Variants in BCAS3 observed in about 807,000 individuals in gnomAD.
The protein encoded by BCAS3 is BCAS3 microtubule associated cell migration factor, also known as BCAS4/BCAS3 fusion.
BCAS3 carries 53 observed loss-of-function variants against 116.1 expected under a neutral mutation model. That is an observed-to-expected ratio of 0.46 (90% CI 0.37 to 0.57). The LOEUF (loss-of-function observed/expected upper bound fraction) is 0.57, where lower values mean the gene tolerates loss of function less well. Ranked by LOEUF, BCAS3 falls within the 20% of genes least tolerant of loss-of-function variation. The pLI is 0.00. For missense variants in BCAS3, 917 were observed against 1,165.4 expected, an observed-to-expected ratio of 0.79 and a Z score of 3.10; for synonymous variants, 391 against 408.2, an observed-to-expected ratio of 0.96 and a Z score of 0.51.
Position 61,162,546 on chromosome 17 carries a change from A to G in BCAS3, c.2425+77982A>G, listed in dbSNP as rs1035148400. Reference sequence around the variant, plus strand: ...CAGTCTGTTGTACAGCAGCAAGACCAAGATGATTCCAGTAATAAGCCTTAT... The same window carrying G: ...CAGTCTGTTGTACAGCAGCAAGACCGAGATGATTCCAGTAATAAGCCTTAT... On this transcript the variant is annotated intron_variant, in intron 22 of 23. Coordinates refer to ENST00000407086, the MANE Select transcript of BCAS3 (RefSeq NM_017679.5). The surrounding 1 kb of genome is among the most constrained non-coding windows in gnomAD (Gnocchi z 5.6). Among the ~76,000 whole-genome samples, 5 of 152,234 alleles carry G rather than the reference A, an allele frequency of 3.3e-5. No homozygotes were observed. The highest frequency in any genetic ancestry group is 5.9e-5 in the Non-Finnish European group (4 of 68,032).
intron 14 of BCAS3, among the ~76,000 whole-genome samples, chr17:60,958,343 A>G (rs2061247124): frequency 6.6e-6 from 1 of 152,232 alleles, no homozygotes; most frequent in Admixed American, 6.5e-5. Context: ...GAAAAACTAA[A>G]GGATTTTATT....
chr17:60,866,879 T>C (rs1387763751), intron 7 of BCAS3, among the ~76,000 whole-genome samples: 2 of 152,158 alleles, frequency 1.3e-5, no homozygotes, highest in Admixed American at 6.5e-5. Context: ...CCCCCTTTGC[T>C]TACTCATTTT....
intron 4 of BCAS3, among the ~76,000 whole-genome samples, chr17:60,703,910 C>A (rs1423621652): frequency 1.4e-5 from 2 of 145,604 alleles, no homozygotes; most frequent in Non-Finnish European, 3.0e-5. Context: ...AAGACAGACA[C>A]CGTCTCAAAA....
At position 61,379,521 on chromosome 17, in the gene BCAS3, G is replaced by C. The variant is rs1027773393; in HGVS notation, c.2593+11027G>C. The C allele has an allele frequency of 2.6e-5, 4 of 152,182 alleles. No homozygotes were observed. The highest frequency in any genetic ancestry group is 5.9e-5 in the Non-Finnish European group (4 of 68,054). 9.4% of individuals were successfully genotyped at this position (152,182 alleles called of 1,614,324 possible). A position where few individuals can be genotyped will look rare whatever the true frequency, so the allele number is the denominator to read the frequency against. On this transcript the variant is annotated intron_variant, in intron 23 of 23. Transcript: ENST00000407086. The surrounding 1 kb of genome is among the most constrained non-coding windows in gnomAD (Gnocchi z 5.5). Reference sequence around the variant, plus strand: ...CGATTGAACTTAACGGAGAAGTGAAGTTCCCTAGTAGAAGAAGGCATTTTG... The same window carrying C: ...CGATTGAACTTAACGGAGAAGTGAACTTCCCTAGTAGAAGAAGGCATTTTG...
rs2076367846 is a variant in BCAS3, at chr17:61,132,011, C to T, written c.2425+47447C>T. 6.6e-6 allele frequency among the ~76,000 whole-genome samples: 1 copy of T among 152,156 alleles called. No homozygotes were observed. The highest frequency in any genetic ancestry group is 6.5e-5 in the Admixed American group (1 of 15,270). On this transcript the variant is annotated intron_variant, in intron 22 of 23. Transcript: ENST00000407086. The surrounding 1 kb of genome is among the most constrained non-coding windows in gnomAD (Gnocchi z 5.1). ...TTTTCATGCAGGGTTGCAATTAACCCCTGGCAGATACCTCACCGTGTTCTC... is the reference window on the plus strand; with the variant it reads ...TTTTCATGCAGGGTTGCAATTAACCTCTGGCAGATACCTCACCGTGTTCTC...
At chr17:60,853,805 C>T (rs2053399673) in intron 7 of BCAS3, among the ~76,000 whole-genome samples, 1 of 152,042 alleles carries the variant, frequency 6.6e-6, no homozygotes, top group Non-Finnish European at 1.5e-5. Flanking sequence ...CTATCACATA[C>T]TTTTTTTTCA....
intron 14 of BCAS3, among the ~76,000 whole-genome samples, chr17:60,978,712 T>C (rs547200256): frequency 1.1e-4 from 16 of 152,182 alleles, no homozygotes; most frequent in East Asian, 3.9e-4. Context: ...GTTTCAGCTT[T>C]CTACATATGG....
At position 61,015,899 on chromosome 17, in the gene BCAS3, C is replaced by A. The variant is rs201778806; in HGVS notation, c.1635C>A (p.Thr545=). ...CATTGGGGACCATCACCAAACGAACCGGGTAAGGCCTTAGACTTGATGCTT... is the reference window on the plus strand; with the variant it reads ...CATTGGGGACCATCACCAAACGAACAGGGTAAGGCCTTAGACTTGATGCTT... ...PMTLGTITKR[T]GKVKPPPQIS... is the part of the protein sequence containing the mutation. Residue 545 remains threonine, a splice_region_variant and synonymous_variant, in exon 16 of 24, where the codon ACC becomes ACA. Transcript: ENST00000407086. The A allele has an allele frequency of 5.0e-6, 8 of 1,613,710 alleles. No homozygotes were observed. Among genetic ancestry groups the A allele is most frequent in the Non-Finnish European group, 6.8e-6 (8 of 1,179,730 alleles).
rs915474383 is a variant in BCAS3, at chr17:61,348,087, T to C, written c.2426-20240T>C. 2.6e-5 allele frequency among the ~76,000 whole-genome samples: 4 copies of C among 152,148 alleles called. No individual in the cohort carries two copies. Among genetic ancestry groups the C allele is most frequent in the Non-Finnish European group, 5.9e-5 (4 of 68,028 alleles). Reference sequence around the variant, plus strand: ...TAGGCGGAAAGACCAGTTTAAAGATTGCTAGAATAATCCCAATGAGAACTG... The same window carrying C: ...TAGGCGGAAAGACCAGTTTAAAGATCGCTAGAATAATCCCAATGAGAACTG... On this transcript the variant is annotated intron_variant, in intron 22 of 23. Transcript: ENST00000407086. The surrounding 1 kb of genome is among the most constrained non-coding windows in gnomAD (Gnocchi z 4.5).
intron 5 of BCAS3, among the ~76,000 whole-genome samples, chr17:60,717,781 G>T (rs543648724): frequency 2.6e-5 from 4 of 152,196 alleles, no homozygotes; most frequent in Admixed American, 2.6e-4. Context: ...CCACAGGGTG[G>T]GGATAGTTTC....
At chr17:61,359,423 T>G (rs963193313) in intron 22 of BCAS3, among the ~76,000 whole-genome samples, 116 of 151,668 alleles carry the variant, frequency 7.6e-4, no homozygotes, top group Non-Finnish European at 1.2e-3. Flanking sequence ...GAACAGCGGG[T>G]TTTTTAAGGT....
chr17:60,747,275 G>A lies in BCAS3; in HGVS notation c.399G>A (p.Gln133=), dbSNP rs1409315403. 1.2e-6 allele frequency: 2 copies of A among 1,611,736 alleles called. No homozygotes were observed. The highest frequency in any genetic ancestry group is 1.7e-5 in the Admixed American group (1 of 59,982). ...CGGCTAGAATCTTGCCTGCTCCACA[G>A]TTTGGTGAGTGTAGTCCTTAAGAAA... ...IRAARILPAP[Q]FGAQKCDNFA... Residue 133 remains glutamine, a synonymous_variant, in exon 6 of 24, where the codon CAG becomes CAA. Transcript: ENST00000407086.
chr17:60,911,607 G>T (rs1379983227), intron 12 of BCAS3, among the ~76,000 whole-genome samples: 1 of 151,070 alleles, frequency 6.6e-6, no homozygotes, highest in African/African-American at 2.4e-5. Context: ...CTTAATTTTT[G>T]TATTTTTGGT....
intron 6 of BCAS3, among the ~76,000 whole-genome samples, chr17:60,781,442 T>C (rs1299765858): frequency 6.6e-6 from 1 of 151,868 alleles, no homozygotes; most frequent in Non-Finnish European, 1.5e-5. Flanking sequence ...CTACTAAAAA[T>C]ACAAAAATTA....
chr17:61,303,753 G>A (rs1300677902), intron 22 of BCAS3, among the ~76,000 whole-genome samples: 3 of 152,072 alleles, frequency 2.0e-5, no homozygotes, highest in Non-Finnish European at 2.9e-5. Context: ...AGCACTTACC[G>A]TGCTGTACTG....
At chr17:60,813,434 A>G (rs2049030975) in intron 7 of BCAS3, among the ~76,000 whole-genome samples, 4 of 152,092 alleles carry the variant, frequency 2.6e-5, no homozygotes. Flanking sequence ...GTGTCTGTTA[A>G]TGTCTTTTGC....
intron 22 of BCAS3, among the ~76,000 whole-genome samples, chr17:61,191,952 T>C: frequency 6.6e-6 from 1 of 151,828 alleles, no homozygotes; most frequent in East Asian, 1.9e-4. Context: ...TTGAGAAACA[T>C]ACAGTTTAGA....
intron 22 of BCAS3, among the ~76,000 whole-genome samples, chr17:61,301,323 T>C (rs77268179): frequency 0.025 from 3,849 of 152,140 alleles, 164 homozygotes; most frequent in African/African-American, 0.086. Flanking sequence ...ATTGCAACAG[T>C]AGTAATGTGC....
chr17:60,885,834 C>G (rs1260063663), intron 9 of BCAS3, among the ~76,000 whole-genome samples: 7 of 145,490 alleles, frequency 4.8e-5, no homozygotes, highest in African/African-American at 1.7e-4. Context: ...TGATGGGCTT[C>G]CCTTTGAGGG....
Sources: gnomAD v4.1 joint callset for allele counts (sites outside exome capture counted in the v4.1 genomes callset) on GRCh38, gnomAD v4.1.1 for gene constraint, Gnocchi (gnomAD v3.1) non-coding constraint, MANE v1.5 for transcripts, NCBI Gene and HGNC (gene_info 2026-07-23, HGNC 2026-07-21) for gene names.